The following NCKAP5L variants were observed in gnomAD, a reference collection of about 807,000 sequenced individuals.
NCKAP5L encodes NCK associated protein 5 like.
In NCKAP5L, 54 loss-of-function variants were observed where a neutral mutation model predicts 103.2. The ratio of observed to expected loss-of-function variants is 0.52; its 90% confidence interval spans 0.42 to 0.66. The LOEUF (loss-of-function observed/expected upper bound fraction) is 0.66, where lower values mean the gene tolerates loss of function less well. Ranked by LOEUF, NCKAP5L falls within the 30% of genes least tolerant of loss-of-function variation. The pLI is 0.00. For synonymous variants in NCKAP5L, 762 were observed against 748.6 expected (o/e 1.02, Z -0.29); for missense variants, 1,733 against 1,750.6 (o/e 0.99, Z 0.18).
chr12:49,791,761 T>G lies in NCKAP5L; in HGVS notation c.*78A>C. On this transcript the variant is annotated 3_prime_UTR_variant, in exon 13 of 13. Coordinates refer to ENST00000335999, the MANE Select transcript of NCKAP5L (RefSeq NM_001037806.4). ...GTCCCTTCAGGGAGGGGTCCCCGTC[T>G]CCGGGGGCTGGGCATGAAGAGAGCC... The G allele has an allele frequency of 7.5e-7, 1 of 1,328,832 alleles. No homozygotes were observed. The highest frequency in any genetic ancestry group is 1.0e-6 in the Non-Finnish European group (1 of 989,308). 82.3% of individuals were successfully genotyped at this position (1,328,832 alleles called of 1,614,324 possible). A position where few individuals can be genotyped will look rare whatever the true frequency, so the allele number is the denominator to read the frequency against.
At chr12:49,798,491 A>C in intron 6 of NCKAP5L, 28 bp from the exon 7 acceptor site, 2 of 1,534,758 alleles carry the variant, frequency 1.3e-6, no homozygotes, top group Non-Finnish European at 1.8e-6. Flanking sequence ...GAGTTAGCAC[A>C]GTAGCTGTCT....
chr12:49,802,056 C>G lies in NCKAP5L; in HGVS notation c.232-89G>C, dbSNP rs2137011362. On this transcript the variant is annotated intron_variant, in intron 5 of 12. Transcript: ENST00000335999. Reference sequence around the variant, plus strand: ...TCTTCATCAGAGCAGCGGCATCTGTCTGGAGGCCCCAGGACCCTTCTGGGC... The same window carrying G: ...TCTTCATCAGAGCAGCGGCATCTGTGTGGAGGCCCCAGGACCCTTCTGGGC... 2.0e-6 allele frequency: 3 copies of G among 1,526,058 alleles called. No individual in the cohort carries two copies. The Middle Eastern group carries it at 5.3e-4, about 268-fold the overall frequency. The allele number at this position is 1,526,058 out of a possible 1,614,324, so 94.5% of individuals were successfully genotyped here. A position where few individuals can be genotyped will look rare whatever the true frequency, so the allele number is the denominator to read the frequency against.
chr12:49,814,366 C>A (rs1247390599), intron 1 of NCKAP5L, among the ~76,000 whole-genome samples: 3 of 151,048 alleles, frequency 2.0e-5, no homozygotes, highest in African/African-American at 7.3e-5. Flanking sequence ...CGCCTGTAAT[C>A]CCAGCTATTC....
intron 6 of NCKAP5L, among the ~76,000 whole-genome samples, chr12:49,799,999 C>T (rs1565589727): frequency 6.6e-6 from 1 of 152,292 alleles, no homozygotes; most frequent in South Asian, 2.1e-4. Context: ...AGTTCGAGAC[C>T]AGCCTGACCA....
At chr12:49,819,179 G>A (rs1328405122) in intron 1 of NCKAP5L, among the ~76,000 whole-genome samples, 3 of 151,986 alleles carry the variant, frequency 2.0e-5, no homozygotes, top group Admixed American at 6.6e-5. Flanking sequence ...GGGCGTGGTC[G>A]TGGGCACCTG....
At chr12:49,816,938 G>C (rs1946305339) in intron 1 of NCKAP5L, among the ~76,000 whole-genome samples, 1 of 152,092 alleles carries the variant, frequency 6.6e-6, no homozygotes, top group Non-Finnish European at 1.5e-5. Flanking sequence ...TATAGCTGGG[G>C]GCGATTCAGA....
Position 49,815,934 on chromosome 12 carries a change from A to T in NCKAP5L, c.-98-9893T>A, listed in dbSNP as rs1946290542. ...AATCTGATGGTGTTCTTCCCACTTC[A>T]AATCTTCCCACGACCTCCTACTGCT... On this transcript the variant is annotated intron_variant, in intron 1 of 12. Coordinates refer to ENST00000335999, the MANE Select transcript of NCKAP5L (RefSeq NM_001037806.4). Among the ~76,000 whole-genome samples the T allele has an allele frequency of 2.6e-5, 4 of 152,134 alleles. 1 individual carries two copies. Among genetic ancestry groups the T allele is most frequent in the Admixed American group, 2.6e-4 (4 of 15,272 alleles).
chr12:49,799,743 G>A (rs566799871), intron 6 of NCKAP5L, among the ~76,000 whole-genome samples: 2 of 152,278 alleles, frequency 1.3e-5, no homozygotes, highest in South Asian at 4.1e-4. Flanking sequence ...CCATGCCACC[G>A]TCTCCACCTT....
intron 1 of NCKAP5L, among the ~76,000 whole-genome samples, chr12:49,808,718 T>G (rs1946207615): frequency 6.6e-6 from 1 of 151,922 alleles, no homozygotes; most frequent in South Asian, 2.1e-4. Context: ...GAGCACCGCC[T>G]CCTCCCTCAG....
At chr12:49,813,199 G>A (rs1946260195) in intron 1 of NCKAP5L, among the ~76,000 whole-genome samples, 1 of 152,134 alleles carries the variant, frequency 6.6e-6, no homozygotes, top group Non-Finnish European at 1.5e-5. Flanking sequence ...AATAATTGCA[G>A]GTTTAATCAT....
chr12:49,791,666 C>T lies in NCKAP5L; in HGVS notation c.*173G>A. On this transcript the variant is annotated 3_prime_UTR_variant, in exon 13 of 13. Transcript: ENST00000335999. ...CCTGAGCTGAGCACGGTCATCTCAT[C>T]CGCCGAAGCAGTGGGTGGTGGGGTG... is the stretch of plus-strand genomic sequence containing the variant. 1 of 568,196 alleles carries T rather than the reference C, an allele frequency of 1.8e-6. No individual in the cohort carries two copies. Among genetic ancestry groups the T allele is most frequent in the Non-Finnish European group, 3.0e-6 (1 of 328,804 alleles). The allele number at this position is 568,196 out of a possible 1,614,324, so 35.2% of individuals were successfully genotyped here. A position where few individuals can be genotyped will look rare whatever the true frequency, so the allele number is the denominator to read the frequency against.
At chr12:49,815,894 C>T (rs1946290169) in intron 1 of NCKAP5L, among the ~76,000 whole-genome samples, 1 of 152,116 alleles carries the variant, frequency 6.6e-6, no homozygotes, top group Non-Finnish European at 1.5e-5. Context: ...ACCATAGCAA[C>T]CTTCTAAAAC....
intron 1 of NCKAP5L, among the ~76,000 whole-genome samples, chr12:49,820,536 C>T (rs920717189): frequency 2.6e-5 from 4 of 152,110 alleles, no homozygotes; most frequent in Non-Finnish European, 5.9e-5. Context: ...AGGATGGTCT[C>T]GATCTCCTGA....
intron 1 of NCKAP5L, among the ~76,000 whole-genome samples, chr12:49,819,416 G>C (rs1946337059): frequency 6.6e-6 from 1 of 152,144 alleles, no homozygotes; most frequent in Non-Finnish European, 1.5e-5. Flanking sequence ...TCAAGATATG[G>C]AACCAACCTA....
At chr12:49,823,716 C>T (rs888964728) in intron 1 of NCKAP5L, among the ~76,000 whole-genome samples, 2 of 151,860 alleles carry the variant, frequency 1.3e-5, no homozygotes, top group South Asian at 4.2e-4. Context: ...GTTCACAGTG[C>T]TGTGCCTGAC....
intron 1 of NCKAP5L, among the ~76,000 whole-genome samples, chr12:49,807,997 C>T (rs959458685): frequency 2.0e-5 from 3 of 152,218 alleles, no homozygotes; most frequent in African/African-American, 4.8e-5. Context: ...AAAGCAACAA[C>T]GAAACAATGT....
At chr12:49,825,649 T>C (rs1592765486) in intron 1 of NCKAP5L, among the ~76,000 whole-genome samples, 1 of 152,146 alleles carries the variant, frequency 6.6e-6, no homozygotes, top group East Asian at 1.9e-4. Flanking sequence ...CCATTATCCA[T>C]TCCAACGGCT....
At position 49,795,629 on chromosome 12, in the gene NCKAP5L, A is replaced by G. The variant is rs370099193; in HGVS notation, c.2231T>C (p.Met744Thr). ...GTAGACTCGGGCCCCGGGATCCCCC[A>G]TAAGTCCAGGTTCCTGCTGCTTCAG... ...NSLKQQEPGLMGDPGARVYSS... is the reference protein window; with the variant it reads ...NSLKQQEPGLTGDPGARVYSS... The change falls in exon 8 of 13, where the codon ATG (methionine) becomes ACG (threonine). Residue 744 changes from methionine (M) to threonine (T), a missense_variant. Physicochemically the swap from Met to Thr is moderately conservative, Grantham distance 81. Coordinates refer to ENST00000335999, the MANE Select transcript of NCKAP5L (RefSeq NM_001037806.4). 4.3e-5 allele frequency: 69 copies of G among 1,607,836 alleles called. No homozygotes were observed. Among genetic ancestry groups the G allele is most frequent in the Non-Finnish European group, 5.6e-5 (66 of 1,177,156 alleles).
Position 49,797,570 on chromosome 12 carries a change from G to A in NCKAP5L, c.466-176C>T, listed in dbSNP as rs1411046337. ...GATATGATGGTTCCGCTTCCTCAAG[G>A]GTTGCTCAACACTGGTTACCCCAGT... On this transcript the variant is annotated intron_variant, in intron 7 of 12. Transcript: ENST00000335999. The surrounding 1 kb of genome is among the most constrained non-coding windows in gnomAD (Gnocchi z 4.5). 1.3e-5 allele frequency among the ~76,000 whole-genome samples: 2 copies of A among 152,166 alleles called. No homozygotes were observed. The highest frequency in any genetic ancestry group is 6.5e-5 in the Admixed American group (1 of 15,274).
Sources: allele counts gnomAD v4.1 joint callset (sites outside exome capture counted in the v4.1 genomes callset), GRCh38; gene constraint gnomAD v4.1.1; non-coding constraint Gnocchi (gnomAD v3.1); transcripts MANE v1.5; gene names NCBI Gene and HGNC (gene_info 2026-07-23, HGNC 2026-07-21).